SPATA17: variants seen among roughly 807,000 people sequenced by gnomAD.
The protein encoded by SPATA17 is spermatogenesis-associated protein 17.
SPATA17 carries 53 observed loss-of-function variants against 62.2 expected under a neutral mutation model. The ratio of observed to expected loss-of-function variants is 0.85; its 90% confidence interval spans 0.68 to 1.07. SPATA17 has a LOEUF of 1.07. Ranked by LOEUF, SPATA17 falls within the 50% of genes least tolerant of loss-of-function variation. The pLI is 0.00. For missense variants in SPATA17, 466 were observed against 425.5 expected (o/e 1.10, Z -0.84); for synonymous variants, 146 against 146.8 (o/e 0.99, Z 0.04).
intron 9 of SPATA17, among the ~76,000 whole-genome samples, chr1:217,862,344 G>A (rs910195384): frequency 4.6e-5 from 7 of 152,056 alleles, no homozygotes; most frequent in South Asian, 2.1e-4. Flanking sequence ...TCACTTCTGA[G>A]GTAATAAAAA....
chr1:217,842,649 A>G (rs752631805), intron 9 of SPATA17, among the ~76,000 whole-genome samples: 3 of 151,978 alleles, frequency 2.0e-5, no homozygotes, highest in Non-Finnish European at 4.4e-5. Flanking sequence ...ATTCATGGAT[A>G]TTGATAAATG....
rs142167546 is a variant in SPATA17 at position 217,704,540 on chromosome 1, G to A, written c.395+21179G>A. Among the ~76,000 whole-genome samples, 45 of 151,982 alleles carry A rather than the reference G, an allele frequency of 3.0e-4. 1 individual carries two copies. In the East Asian group the frequency reaches 7.8e-3, roughly 26 times the overall value. On this transcript the variant is annotated intron_variant, in intron 5 of 10. Coordinates refer to ENST00000366933, the MANE Select transcript of SPATA17 (RefSeq NM_138796.4). Reference sequence around the variant, plus strand: ...GCTGGGATTACAGGCGTGAGCCACCGCGCCCGGCCCTTCCCTCTACCTTTA... The same window carrying A: ...GCTGGGATTACAGGCGTGAGCCACCACGCCCGGCCCTTCCCTCTACCTTTA...
At chr1:217,781,806 T>C (rs1673733064) in intron 7 of SPATA17, among the ~76,000 whole-genome samples, 1 of 152,126 alleles carries the variant, frequency 6.6e-6, no homozygotes, top group Non-Finnish European at 1.5e-5. Flanking sequence ...TCCTAATATT[T>C]GTATTTACTC....
chr1:217,783,097 T>C (rs1673770701), intron 8 of SPATA17, among the ~76,000 whole-genome samples: 1 of 150,782 alleles, frequency 6.6e-6, no homozygotes, highest in African/African-American at 2.4e-5. Flanking sequence ...AATATTGGTA[T>C]ACTATAAATT....
At chr1:217,677,913 T>C (rs968665899) in intron 4 of SPATA17, among the ~76,000 whole-genome samples, 1 of 152,176 alleles carries the variant, frequency 6.6e-6, no homozygotes, top group Admixed American at 6.5e-5. Flanking sequence ...TTTCATATGA[T>C]AATATTTTAT....
At chr1:217,792,124 G>A (rs972906509) in intron 8 of SPATA17, among the ~76,000 whole-genome samples, 8 of 152,112 alleles carry the variant, frequency 5.3e-5, no homozygotes, top group Non-Finnish European at 1.2e-4. Flanking sequence ...TTACAAATTT[G>A]TGTTAGGCTG....
Position 217,631,384 on chromosome 1 carries a change from C to T in SPATA17, c.6C>T (p.Ala2=), listed in dbSNP as rs1271847748. 6.2e-7 allele frequency: 1 copy of T among 1,614,010 alleles called. No homozygotes were observed. Among genetic ancestry groups the T allele is most frequent in the African/African-American group, 1.3e-5 (1 of 74,904 alleles). Reference sequence around the variant, plus strand: ...AAACCCAAGGCCAAGAGACCATGGCCACGTTAGCCCGGCTGCAAGCTAGGT... The same window carrying T: ...AAACCCAAGGCCAAGAGACCATGGCTACGTTAGCCCGGCTGCAAGCTAGGT... M[A]TLARLQARSS... The change falls in exon 1 of 11, where the codon GCC becomes GCT. Residue 2 remains alanine (A), a synonymous_variant. Transcript: ENST00000366933.
chr1:217,646,706 C>A (rs950323843), intron 1 of SPATA17, among the ~76,000 whole-genome samples: 6 of 151,986 alleles, frequency 3.9e-5, no homozygotes, highest in African/African-American at 1.5e-4. Context: ...ACCAGCCTGG[C>A]CAATATGGTG....
At chr1:217,798,817 G>A (rs1558055607) in intron 8 of SPATA17, among the ~76,000 whole-genome samples, 1 of 52,044 alleles carries the variant, frequency 1.9e-5, no homozygotes, top group Non-Finnish European at 4.2e-5. Flanking sequence ...GCTGAAACTT[G>A]ACCTGTACTG....
Position 217,870,622 on chromosome 1 carries a change from G to T in SPATA17, c.*3603G>T, listed in dbSNP as rs1047897993. ...GAGACTTTATGTTTGACCAAAGCTGGTAATTCCTTGATCTTATTCTCCAAA... is the reference window on the plus strand; with the variant it reads ...GAGACTTTATGTTTGACCAAAGCTGTTAATTCCTTGATCTTATTCTCCAAA... On this transcript the variant is annotated 3_prime_UTR_variant, in exon 11 of 11. Transcript: ENST00000366933. 3 of 152,104 alleles carry T rather than the reference G, an allele frequency of 2.0e-5. No homozygotes were observed. Among genetic ancestry groups the T allele is most frequent in the Non-Finnish European group, 4.4e-5 (3 of 68,022 alleles). 9.4% of individuals were successfully genotyped at this position (152,104 alleles called of 1,614,324 possible). A position where few individuals can be genotyped will look rare whatever the true frequency, so the allele number is the denominator to read the frequency against.
chr1:217,737,838 T>G (rs1319321303), intron 5 of SPATA17: 1 of 151,416 alleles, frequency 6.6e-6, no homozygotes, highest in Non-Finnish European at 1.5e-5. Context: ...TTTTTTTTTT[T>G]TTTTTGAGAT....
chr1:217,838,222 G>C (rs1321403806), intron 9 of SPATA17, among the ~76,000 whole-genome samples: 1 of 152,128 alleles, frequency 6.6e-6, no homozygotes, highest in East Asian at 1.9e-4. Context: ...CACTGCTCTA[G>C]ATGATATATT....
chr1:217,640,176 T>C (rs1670028009), intron 1 of SPATA17, among the ~76,000 whole-genome samples: 1 of 151,888 alleles, frequency 6.6e-6, no homozygotes, highest in African/African-American at 2.4e-5. Flanking sequence ...GGCCTAACTT[T>C]TTCTATAGAA....
intron 2 of SPATA17, among the ~76,000 whole-genome samples, chr1:217,649,205 G>A (rs545761829): frequency 3.3e-5 from 5 of 152,024 alleles, no homozygotes; most frequent in East Asian, 1.9e-4. Context: ...TTGGCTGGGC[G>A]CAGTGGCTCA....
intron 3 of SPATA17, among the ~76,000 whole-genome samples, chr1:217,657,934 G>A (rs1670478625): frequency 6.6e-6 from 1 of 152,112 alleles, no homozygotes; most frequent in South Asian, 2.1e-4. Flanking sequence ...TGTCTTACAT[G>A]GTGGCAAGCA....
chr1:217,728,694 G>A (rs1052133659), intron 5 of SPATA17, among the ~76,000 whole-genome samples: 6 of 151,864 alleles, frequency 4.0e-5, no homozygotes, highest in Non-Finnish European at 7.4e-5. Context: ...TGGCTGTTTT[G>A]TAGGTTCATT....
chr1:217,703,450 G>A (rs147216054), intron 5 of SPATA17, among the ~76,000 whole-genome samples: 1 of 152,312 alleles, frequency 6.6e-6, no homozygotes, highest in African/African-American at 2.4e-5. Context: ...GGGATTACAG[G>A]CGTGATCCAC....
intron 6 of SPATA17, among the ~76,000 whole-genome samples, chr1:217,773,338 C>T (rs1330810193): frequency 6.6e-6 from 1 of 151,916 alleles, no homozygotes; most frequent in Non-Finnish European, 1.5e-5. Context: ...TACAAAGACA[C>T]CAAATAAGTC....
In SPATA17 at chr1:217,813,996, T is replaced by A. The variant is rs556221666; in HGVS notation, c.1005+12146T>A. 1.6e-4 allele frequency among the ~76,000 whole-genome samples: 25 copies of A among 152,208 alleles called. No individual in the cohort carries two copies. The South Asian group carries it at 5.2e-3, about 32-fold the overall frequency. On this transcript the variant is annotated intron_variant, in intron 9 of 10. Transcript: ENST00000366933. The stretch of plus-strand genomic sequence containing the variant: ...GCTTTTTAATCTGGTTTGTTTCTGA[T>A]TAATTTGATACATTGTTTAGTGATT...
Sources: gnomAD v4.1 joint callset for allele counts (sites outside exome capture counted in the v4.1 genomes callset) on GRCh38, gnomAD v4.1.1 for gene constraint, MANE v1.5 for transcripts, NCBI Gene and HGNC (gene_info 2026-07-23, HGNC 2026-07-21) for gene names.